Variants in TIAM2 observed in about 807,000 individuals in gnomAD.
TIAM2 encodes the protein TIAM Rac1 associated GEF 2, also known as rho guanine nucleotide exchange factor TIAM2.
TIAM2 carries 80 observed loss-of-function variants against 152.9 expected under a neutral mutation model. The observed-to-expected ratio is 0.52, with a 90% confidence interval of 0.44 to 0.63. The LOEUF is 0.63. Among genes scored for constraint, TIAM2 ranks in the 30% least tolerant of loss-of-function variants. TIAM2 has a pLI of 0.00. For missense variants in TIAM2, 1,965 were observed against 2,120.1 expected, an observed-to-expected ratio of 0.93 and a Z score of 1.44; for synonymous variants, 804 against 838.0, an observed-to-expected ratio of 0.96 and a Z score of 0.70.
chr6:155,137,216 C>T lies in TIAM2; in HGVS notation c.1234C>T (p.Arg412Cys), dbSNP rs1156509176. 15 of 1,613,864 alleles carry T rather than the reference C, an allele frequency of 9.3e-6. No homozygotes were observed. Among genetic ancestry groups the T allele is most frequent in the Middle Eastern group, 1.6e-4 (1 of 6,080 alleles). The change falls in exon 5 of 27, where the codon CGC becomes TGC. Residue 412 changes from arginine to cysteine, a missense_variant. By Grantham distance (180) the Arg-to-Cys change is radical. Coordinates refer to ENST00000682666, the MANE Select transcript of TIAM2 (RefSeq NM_012454.4). ...SKEGSDYFDSRSDGLNTDVQG... is the reference protein window; with the variant it reads ...SKEGSDYFDSCSDGLNTDVQG... ...GGAGGGCAGTGACTACTTTGACAGT[C>T]GCTCTGATGGACTGAATACAGATGT...
chr6:155,221,193 G>C (rs1173744442), intron 15 of TIAM2, among the ~76,000 whole-genome samples: 1 of 139,750 alleles, frequency 7.2e-6, no homozygotes, highest in East Asian at 2.1e-4. Flanking sequence ...ACAAAATAAA[G>C]AAGTAAAAAA....
At chr6:155,029,517 A>AG (rs1436738183) in intron 1 of TIAM2, among the ~76,000 whole-genome samples, 554 of 47,300 alleles carry the variant, frequency 0.012, 40 homozygotes, top group African/African-American at 0.039. Context: ...TATATACTAT[A>AG]TATTATAGTA....
rs1259834394 is a variant in TIAM2, at chr6:155,156,937, G to A, written c.2029-7478G>A. Among the ~76,000 whole-genome samples, 3 of 152,122 alleles carry A rather than the reference G, an allele frequency of 2.0e-5. No individual in the cohort carries two copies. The highest frequency in any genetic ancestry group is 4.4e-5 in the Non-Finnish European group (3 of 68,012). Reference sequence around the variant, plus strand: ...TTCCTCCAAGGCGCTGTCCTTGATCGCCCTTTTGCCCACTCCATCAGGGAG... The same window carrying A: ...TTCCTCCAAGGCGCTGTCCTTGATCACCCTTTTGCCCACTCCATCAGGGAG... On this transcript the variant is annotated intron_variant, in intron 7 of 26. Transcript: ENST00000682666. This position sits in a 1 kb window ranked among gnomAD's most constrained non-coding sequence, Gnocchi z 4.4.
intron 4 of TIAM2, among the ~76,000 whole-genome samples, chr6:155,133,017 G>A (rs972651791): frequency 2.0e-5 from 3 of 152,146 alleles, no homozygotes; most frequent in African/African-American, 7.2e-5. Context: ...ATTCTGCATT[G>A]TCCAAAAACT....
At chr6:155,070,209 CTTTTTTTTTTT>C (rs559307371) in intron 1 of TIAM2, among the ~76,000 whole-genome samples, 4 of 44,126 alleles carry the variant, frequency 9.1e-5, no homozygotes, top group Admixed American at 4.2e-4. Context: ...CCTGGCCAGA[CTTTTTTTTTTT>C]TTTTTTTTTT....
Position 155,250,927 on chromosome 6 carries a change from G to T in TIAM2, c.3966G>T (p.Ser1322=), listed in dbSNP as rs145496334. The change falls in exon 22 of 27, where the codon TCG becomes TCT. Residue 1322 remains serine (S), a synonymous_variant. Coordinates refer to ENST00000682666, the MANE Select transcript of TIAM2 (RefSeq NM_012454.4). ...TTACAATCTAGGTAACAGAACTTTC[G>T]ATGGGAGAGCTTCTGATGCACTCTA... ...SGTEKEVTEL[S]MGELLMHSTV... The T allele has an allele frequency of 6.2e-6, 10 of 1,614,118 alleles. No homozygotes were observed. The highest frequency in any genetic ancestry group is 1.1e-5 in the South Asian group (1 of 91,072).
intron 15 of TIAM2, among the ~76,000 whole-genome samples, chr6:155,227,489 C>T (rs1288688540): frequency 2.0e-5 from 3 of 152,192 alleles, no homozygotes; most frequent in African/African-American, 2.4e-5. Flanking sequence ...CCACGGATCG[C>T]GCCCAGCCCT....
At chr6:155,124,557 C>T (rs865908981) in intron 2 of TIAM2, among the ~76,000 whole-genome samples, 6 of 151,900 alleles carry the variant, frequency 3.9e-5, no homozygotes, top group Admixed American at 6.6e-5. Context: ...CTCGAACTCC[C>T]GACCTCAGGT....
At chr6:155,148,057 G>C in intron 6 of TIAM2, 53 bp from the exon 7 acceptor site, 1 of 1,579,462 alleles carries the variant, frequency 6.3e-7, no homozygotes, top group South Asian at 1.1e-5. Context: ...ATTTTGGAGA[G>C]CACTTTAGTG....
rs181592422 is a variant in TIAM2 at position 155,094,760 on chromosome 6, T to G, written c.-118+4381T>G. Among the ~76,000 whole-genome samples the G allele has an allele frequency of 4.0e-3, 606 of 151,630 alleles. 2 individuals carry two copies. The highest frequency in any genetic ancestry group is 6.8e-3 in the Middle Eastern group (2 of 294). ...TTTGTTTTTTTGTTTTTTTGTTTTT[T>G]TTTGTAGAGATGAGGTTTCACTATG... On this transcript the variant is annotated intron_variant, in intron 2 of 26. Coordinates refer to ENST00000682666, the MANE Select transcript of TIAM2 (RefSeq NM_012454.4).
chr6:155,029,555 A>ACT (rs1562295331), intron 1 of TIAM2, among the ~76,000 whole-genome samples: 49 of 66,686 alleles, frequency 7.3e-4, no homozygotes, highest in Middle Eastern at 0.012. Flanking sequence ...TATGTAGTAT[A>ACT]AATATATACT....
At chr6:155,018,025 G>A (rs1024571044) in intron 1 of TIAM2, among the ~76,000 whole-genome samples, 12 of 152,018 alleles carry the variant, frequency 7.9e-5, no homozygotes, top group African/African-American at 1.9e-4. Flanking sequence ...ATCCCAATAC[G>A]ATTTTTATAT....
At chr6:155,082,218 G>T (rs915199762) in intron 1 of TIAM2, among the ~76,000 whole-genome samples, 1 of 151,982 alleles carries the variant, frequency 6.6e-6, no homozygotes, top group African/African-American at 2.4e-5. Flanking sequence ...TGGTGCATAC[G>T]TATAGTCTCA....
Position 155,257,436 on chromosome 6 carries a change from G to A in TIAM2, c.*315G>A, listed in dbSNP as rs1307001804. 10 of 347,180 alleles carry A rather than the reference G, an allele frequency of 2.9e-5. No homozygotes were observed. Among genetic ancestry groups the A allele is most frequent in the Admixed American group, 4.6e-5 (1 of 21,640 alleles). The allele number at this position is 347,180 out of a possible 1,614,324, so 21.5% of individuals were successfully genotyped here. A position where few individuals can be genotyped will look rare whatever the true frequency, so the allele number is the denominator to read the frequency against. ...GAAAAAGTAAGGCTGGGGAAGTCGT[G>A]ATTAATAGTTTTCAAAGGGCCATTT... On this transcript the variant is annotated 3_prime_UTR_variant, in exon 27 of 27. Transcript: ENST00000682666.
chr6:155,140,483 G>A (rs926961320), intron 5 of TIAM2, among the ~76,000 whole-genome samples: 2 of 151,826 alleles, frequency 1.3e-5, no homozygotes, highest in African/African-American at 2.4e-5. Flanking sequence ...GCCTGTCTAT[G>A]GATTTGAAAA....
intron 1 of TIAM2, among the ~76,000 whole-genome samples, chr6:155,087,045 G>A (rs1778185971): frequency 6.6e-6 from 1 of 152,206 alleles, no homozygotes; most frequent in African/African-American, 2.4e-5. Flanking sequence ...GAGTGGTGAG[G>A]TGAAGGAGGG....
chr6:155,165,407 C>T lies in TIAM2; in HGVS notation c.2359C>T (p.Gln787Ter). 6.2e-7 allele frequency: 1 copy of T among 1,608,698 alleles called. No individual in the cohort carries two copies. Reference sequence around the variant, plus strand: ...CAAGGAGAAGAGACCTTCTATAACTCAGGTGAGCTTTTCAGCATGGGAACA... The same window carrying T: ...CAAGGAGAAGAGACCTTCTATAACTTAGGTGAGCTTTTCAGCATGGGAACA... ...KGKEKRPSIT[Q>*]VDELLHIYGS... The change falls in exon 9 of 27, where the codon CAG (glutamine) becomes TAG (stop). Residue 787 changes from glutamine (Q) to a stop codon, truncating the protein, a stop_gained and splice_region_variant. Transcript: ENST00000682666. LOFTEE classifies it high-confidence loss of function.
chr6:155,068,343 T>G (rs567880097), intron 1 of TIAM2, among the ~76,000 whole-genome samples: 1 of 152,346 alleles, frequency 6.6e-6, no homozygotes, highest in East Asian at 1.9e-4. Flanking sequence ...TTTCTCTGTC[T>G]TTTATCAATC....
chr6:155,212,391 T>C (rs1358235222), intron 15 of TIAM2, among the ~76,000 whole-genome samples: 2 of 152,218 alleles, frequency 1.3e-5, no homozygotes, highest in Admixed American at 6.5e-5. Flanking sequence ...TTTAACTGTT[T>C]GTTGTCAGCT....
Sources: allele counts gnomAD v4.1 joint callset (sites outside exome capture counted in the v4.1 genomes callset), GRCh38; gene constraint gnomAD v4.1.1; non-coding constraint Gnocchi (gnomAD v3.1); transcripts MANE v1.5; gene names NCBI Gene and HGNC (gene_info 2026-07-23, HGNC 2026-07-21).